The following ALPK1 variants were observed in gnomAD, a reference collection of about 807,000 sequenced individuals.
ALPK1 encodes alpha kinase 1, also known as alpha-protein kinase 1.
Under a neutral mutation model 120.6 loss-of-function variants are expected in ALPK1, and 110 were observed. That is an observed-to-expected ratio of 0.91 (90% CI 0.78 to 1.07). ALPK1 has a LOEUF of 1.07. Ranked by LOEUF, ALPK1 falls within the 50% of genes least tolerant of loss-of-function variation. The probability of loss-of-function intolerance (pLI) is 0.00; values close to 1 mark genes in which losing one functional copy is unlikely to be tolerated. For missense variants in ALPK1, 1,498 were observed against 1,483.9 expected, an observed-to-expected ratio of 1.01 and a Z score of -0.16; for synonymous variants, 582 against 560.3, an observed-to-expected ratio of 1.04 and a Z score of -0.55.
chr4:112,357,393 TC>T, intron 2 of ALPK1: 1 of 691,862 alleles, frequency 1.4e-6, no homozygotes. Flanking sequence ...AAAGTGCACA[TC>T]CATCCTGATG....
chr4:112,366,714 A>G (rs1731171785), intron 2 of ALPK1, among the ~76,000 whole-genome samples: 2 of 152,184 alleles, frequency 1.3e-5, no homozygotes, highest in African/African-American at 2.4e-5. Context: ...CCCAGAGGAA[A>G]AGAAGTCATT....
chr4:112,411,989 G>C lies in ALPK1; in HGVS notation c.439G>C (p.Val147Leu), dbSNP rs112218994. Reference protein sequence around the residue: ...LQPATPIAPQVVIRQARISVN... With the variant: ...LQPATPIAPQLVIRQARISVN... Reference sequence around the variant, plus strand: ...GCCAGCCACGCCAATTGCCCCGCAGGTGGTTATTCGCCAAGCCCGAATCTC... The same window carrying C: ...GCCAGCCACGCCAATTGCCCCGCAGCTGGTTATTCGCCAAGCCCGAATCTC... The change falls in exon 5 of 16, where the codon GTG (valine) becomes CTG (leucine). Residue 147 changes from valine to leucine, a missense_variant. Transcript: ENST00000650871. 6.2e-7 allele frequency: 1 copy of C among 1,614,140 alleles called. No individual in the cohort carries two copies. Among genetic ancestry groups the C allele is most frequent in the African/African-American group, 1.3e-5 (1 of 75,078 alleles).
intron 9 of ALPK1, 83 bp downstream of exon 9, chr4:112,427,748 G>A (rs1322536395): frequency 1.1e-6 from 1 of 948,824 alleles, no homozygotes; most frequent in African/African-American, 1.6e-5. Flanking sequence ...GTCTTTCTCA[G>A]GAGATTGGGA....
At chr4:112,414,158 G>T in intron 5 of ALPK1, 1 of 427,370 alleles carries the variant, frequency 2.3e-6, no homozygotes. Context: ...AAGTGAAAGA[G>T]ATTATATAAT....
chr4:112,363,384 C>G lies in ALPK1; in HGVS notation c.-100-14294C>G, dbSNP rs576078960. On this transcript the variant is annotated intron_variant, in intron 2 of 15. Coordinates refer to ENST00000650871, the MANE Select transcript of ALPK1 (RefSeq NM_025144.4). The stretch of plus-strand genomic sequence containing the variant: ...AAAAGATATTGCATGCAAATGGACA[C>G]CAAAAGTGAGCAGGAATAGCTATTC... 1.9e-3 allele frequency among the ~76,000 whole-genome samples: 285 copies of G among 152,048 alleles called. 1 individual carries two copies. The highest frequency in any genetic ancestry group is 0.017 in the Middle Eastern group (5 of 292).
At chr4:112,388,313 GACTA>G (rs1235700824) in intron 4 of ALPK1, among the ~76,000 whole-genome samples, 1 of 152,146 alleles carries the variant, frequency 6.6e-6, no homozygotes, top group African/African-American at 2.4e-5. Flanking sequence ...TGCCTAGTGT[GACTA>G]ACTCGTGAGC....
chr4:112,427,928 T>C (rs1004885655), intron 9 of ALPK1: 1 of 295,590 alleles, frequency 3.4e-6, no homozygotes, highest in Non-Finnish European at 6.3e-6. Context: ...ACAAAATGAT[T>C]TTGAGCCTCA....
chr4:112,344,098 G>A (rs1729999508), intron 2 of ALPK1, among the ~76,000 whole-genome samples: 1 of 152,128 alleles, frequency 6.6e-6, no homozygotes, highest in South Asian at 2.1e-4. Flanking sequence ...TAATACAGCC[G>A]ATGCCAGTTG....
chr4:112,435,431 T>A, intron 12 of ALPK1, 130 bp downstream of exon 12: 1 of 797,748 alleles, frequency 1.3e-6, no homozygotes, highest in Non-Finnish European at 2.0e-6. Flanking sequence ...TTTCTACTCC[T>A]TTTTCTTTTC....
intron 1 of ALPK1, among the ~76,000 whole-genome samples, chr4:112,313,247 G>A (rs950271077): frequency 1.3e-5 from 2 of 152,234 alleles, no homozygotes; most frequent in Admixed American, 6.5e-5. Flanking sequence ...GTTTGAGACT[G>A]AGCCTTTGCA....
intron 1 of ALPK1, among the ~76,000 whole-genome samples, chr4:112,315,478 A>T (rs1187656801): frequency 6.6e-6 from 1 of 152,238 alleles, no homozygotes; most frequent in Non-Finnish European, 1.5e-5. Context: ...TTGAAGTTTA[A>T]GGAGAAATTT....
At chr4:112,327,919 C>T (rs1218672047) in intron 2 of ALPK1, among the ~76,000 whole-genome samples, 9 of 152,290 alleles carry the variant, frequency 5.9e-5, no homozygotes, top group Admixed American at 2.6e-4. Context: ...ACAGTAGTTA[C>T]GCAGTAATAG....
chr4:112,414,136 C>T (rs1177890228), intron 5 of ALPK1: 3 of 396,632 alleles, frequency 7.6e-6, no homozygotes, highest in Non-Finnish European at 1.6e-5. Flanking sequence ...ACTTAGGAAT[C>T]GTGGGGTGGA....
rs545074128 is a variant in ALPK1 at position 112,438,004 on chromosome 4, T to A, written c.3189-480T>A. 2.0e-3 allele frequency among the ~76,000 whole-genome samples: 301 copies of A among 152,356 alleles called. 1 individual carries two copies. Among genetic ancestry groups the A allele is most frequent in the African/African-American group, 5.2e-3 (215 of 41,582 alleles). ...AATCATGTCTCACACTTTCTTCAAG[T>A]CACTCAAGACTAGCACAGTGTTATG... On this transcript the variant is annotated intron_variant, in intron 12 of 15. Transcript: ENST00000650871.
intron 5 of ALPK1, among the ~76,000 whole-genome samples, chr4:112,419,931 C>T (rs572291710): frequency 3.9e-5 from 6 of 152,304 alleles, no homozygotes; most frequent in South Asian, 2.1e-4. Flanking sequence ...ATAGTAAACA[C>T]GTAATAAACG....
intron 2 of ALPK1, among the ~76,000 whole-genome samples, chr4:112,321,064 T>A (rs983418847): frequency 6.6e-6 from 1 of 151,832 alleles, no homozygotes; most frequent in South Asian, 2.1e-4. Flanking sequence ...GCCCGGCTAA[T>A]TTTTTTGTAT....
intron 2 of ALPK1, among the ~76,000 whole-genome samples, chr4:112,333,390 C>T (rs1729470362): frequency 6.6e-6 from 1 of 152,200 alleles, no homozygotes; most frequent in South Asian, 2.1e-4. Flanking sequence ...AGGACTATCC[C>T]TGGAACATAA....
chr4:112,414,512 GCA>G, intron 5 of ALPK1: 4 of 312,960 alleles, frequency 1.3e-5, no homozygotes, highest in Non-Finnish European at 2.6e-5. Context: ...GGAGGCTGAG[GCA>G]GGAGAATCAC....
rs1732794200 is a variant in ALPK1 at position 112,399,112 on chromosome 4, C to T, written c.277-12715C>T. ...AAAGAGAAACAGGATGGTATTTAAA[C>T]GTGGGATTCATCATCAGTGTTGATA... On this transcript the variant is annotated intron_variant, in intron 4 of 15. Coordinates refer to ENST00000650871, the MANE Select transcript of ALPK1 (RefSeq NM_025144.4). 2.0e-5 allele frequency among the ~76,000 whole-genome samples: 3 copies of T among 152,112 alleles called. No individual in the cohort carries two copies. In the South Asian group the frequency reaches 6.2e-4, roughly 31 times the overall value.
Sources: gnomAD v4.1 joint callset for allele counts (sites outside exome capture counted in the v4.1 genomes callset) on GRCh38, gnomAD v4.1.1 for gene constraint, MANE v1.5 for transcripts, NCBI Gene and HGNC (gene_info 2026-07-23, HGNC 2026-07-21) for gene names.